The following UPF1 variants were observed in gnomAD, a reference collection of about 807,000 sequenced individuals.
UPF1 encodes the protein regulator of nonsense transcripts 1.
UPF1 carries 9 observed loss-of-function variants against 129.2 expected under a neutral mutation model. That is an observed-to-expected ratio of 0.07 (90% CI 0.04 to 0.12). The LOEUF is 0.12. UPF1 is among the 10% of genes least tolerant of loss of function. The probability of loss-of-function intolerance (pLI) is 1.00; values close to 1 mark genes in which losing one functional copy is unlikely to be tolerated. For missense variants in UPF1, 788 were observed against 1,525.3 expected (o/e 0.52, Z 8.05); for synonymous variants, 649 against 644.9 (o/e 1.01, Z -0.10).
intron 6 of UPF1, 32 bp from the exon 7 acceptor site, chr19:18,852,955 C>G: frequency 6.3e-7 from 1 of 1,592,368 alleles, no homozygotes; most frequent in Non-Finnish European, 8.6e-7. Flanking sequence ...GTGCTGGAGG[C>G]TAACCGGGGC....
At position 18,863,596 on chromosome 19, in the gene UPF1, T is replaced by C; in HGVS notation, c.2759T>C (p.Val920Ala). The C allele has an allele frequency of 1.2e-6, 2 of 1,613,460 alleles. No homozygotes were observed. Among genetic ancestry groups the C allele is most frequent in the Non-Finnish European group, 1.7e-6 (2 of 1,179,808 alleles). The change falls in exon 19 of 24, where the codon GTC becomes GCC. Residue 920 changes from valine (V) to alanine (A), a missense_variant. Val to Ala is a moderately conservative substitution (Grantham distance 64). Coordinates refer to ENST00000262803, the MANE Select transcript of UPF1 (RefSeq NM_002911.4). ...LMQFSKPRKL[V>A]NTINPGARFM... is the part of the protein sequence containing the mutation. ...CAGTTCAGCAAGCCACGGAAGCTGG[T>C]CAACACTATCAACCCGGTGAGCGCC...
Position 18,860,317 on chromosome 19 carries a change from AC to A in UPF1, c.2183-3del, listed in dbSNP as rs768966428. ...AAGTGTTACTTCTTTCCCTCCCCTCACAGCGGATCGTGTGAAGAAGGGATTT... is the reference window on the plus strand; with the variant it reads ...AAGTGTTACTTCTTTCCCTCCCCTCAAGCGGATCGTGTGAAGAAGGGATTT... On this transcript the variant is annotated splice_region_variant and splice_polypyrimidine_tract_variant and intron_variant, in intron 15 of 23. Coordinates refer to ENST00000262803, the MANE Select transcript of UPF1 (RefSeq NM_002911.4). The A allele has an allele frequency of 1.5e-5, 24 of 1,613,762 alleles. No homozygotes were observed. The African/African-American group carries it at 2.0e-4, about 13-fold the overall frequency.
chr19:18,834,991 C>T (rs2055468429), intron 1 of UPF1, among the ~76,000 whole-genome samples: 2 of 152,164 alleles, frequency 1.3e-5, no homozygotes, highest in African/African-American at 2.4e-5. Flanking sequence ...ATAAAGTGTA[C>T]AGTTCGGCGG....
rs763224195 is a variant in UPF1, at chr19:18,856,132, T to G, written c.1709+43T>G. ...CCCTCCCAGTTGGTCCCTGAGCTTC[T>G]GCGGGTGACATGTACAGAACTCAGG... is the stretch of plus-strand genomic sequence containing the variant. On this transcript the variant is annotated intron_variant, in intron 12 of 23. Transcript: ENST00000262803. The G allele has an allele frequency of 2.5e-6, 4 of 1,608,018 alleles. No individual in the cohort carries two copies. The South Asian group carries it at 4.4e-5, about 18-fold the overall frequency.
chr19:18,863,750 G>GGGTGGGCTCTCCTAGGGGAT, intron 19 of UPF1, 138 bp downstream of exon 19: 2 of 1,229,832 alleles, frequency 1.6e-6, no homozygotes, highest in Admixed American at 2.6e-5. Context: ...TCCTAGGGGA[G>GGGTGGGCTCTCCTAGGGGAT]GGTGGGCCAG....
intron 9 of UPF1, 46 bp from the exon 10 acceptor site, chr19:18,854,832 AG>A (rs749337973): frequency 2.3e-4 from 371 of 1,608,732 alleles, no homozygotes; most frequent in Non-Finnish European, 2.7e-4. Flanking sequence ...GATGTCGGAG[AG>A]GCGGCCACAG....
rs916778756 is a variant in UPF1 at position 18,853,819 on chromosome 19, C to A, written c.1156+469C>A. On this transcript the variant is annotated intron_variant, in intron 8 of 23. Transcript: ENST00000262803. The surrounding 1 kb of genome is among the most constrained non-coding windows in gnomAD (Gnocchi z 4.4). ...GTGACCTCATGGTGATGCAGCCTGC[C>A]GGCCAGAGTGGGGCAGCTGTAAGGC... 6.6e-6 allele frequency among the ~76,000 whole-genome samples: 1 copy of A among 152,190 alleles called. No homozygotes were observed. Among genetic ancestry groups the A allele is most frequent in the Admixed American group, 6.5e-5 (1 of 15,278 alleles).
rs747021445 is a variant in UPF1, at chr19:18,862,143, C to G, written c.2591C>G (p.Thr864Ser). 6.2e-7 allele frequency: 1 copy of G among 1,613,696 alleles called. No homozygotes were observed. Among genetic ancestry groups the G allele is most frequent in the Non-Finnish European group, 8.5e-7 (1 of 1,179,976 alleles). ...NDPRRLNVAL[T>S]RARYGVIIVG... ...CCCAGGCGTCTGAACGTGGCCCTGA[C>G]CAGAGCAAGGTAGGGAGGCTGCCTG... is the stretch of plus-strand genomic sequence containing the variant. Residue 864 changes from threonine to serine, a missense_variant, in exon 18 of 24, where the codon ACC (threonine) becomes AGC (serine). Thr to Ser is a moderately conservative substitution (Grantham distance 58). Around this residue, in one of 6 missense-constraint regions of UPF1, gnomAD observed 140 missense variants for 385.9 expected, o/e 0.36. Transcript: ENST00000262803.
At chr19:18,849,944 G>GA in intron 3 of UPF1, 131 bp from the exon 4 acceptor site, 1 of 1,157,218 alleles carries the variant, frequency 8.6e-7, no homozygotes, top group Non-Finnish European at 1.2e-6. Context: ...AGAGATGCCA[G>GA]ATGGATGAGG....
rs76707267 is a variant in UPF1, at chr19:18,842,863, T to G, written c.232-3117T>G. Among the ~76,000 whole-genome samples the G allele has an allele frequency of 2.1e-4, 32 of 151,988 alleles. No homozygotes were observed. In the East Asian group the frequency reaches 5.8e-3, roughly 28 times the overall value. On this transcript the variant is annotated intron_variant, in intron 1 of 23. Transcript: ENST00000262803. ...AAAAATAGGCGTGGTGGCGCATGCCTGTAATCCCAGCTACTTGGGAGGCTG... is the reference window on the plus strand; with the variant it reads ...AAAAATAGGCGTGGTGGCGCATGCCGGTAATCCCAGCTACTTGGGAGGCTG...
chr19:18,846,695 G>A (rs1310092350), intron 2 of UPF1, among the ~76,000 whole-genome samples: 1 of 152,088 alleles, frequency 6.6e-6, no homozygotes, highest in East Asian at 1.9e-4. Context: ...GATTAGAAGA[G>A]GGGAGAAGGT....
At chr19:18,839,245 C>G (rs1026116443) in intron 1 of UPF1, among the ~76,000 whole-genome samples, 1 of 152,126 alleles carries the variant, frequency 6.6e-6, no homozygotes, top group African/African-American at 2.4e-5. Context: ...GTGCGCACCA[C>G]CATGCCCAAC....
At position 18,846,105 on chromosome 19, in the gene UPF1, C is replaced by A. The variant is rs200826658; in HGVS notation, c.357C>A (p.Pro119=). The A allele has an allele frequency of 1.2e-6, 2 of 1,614,058 alleles. No individual in the cohort carries two copies. Among genetic ancestry groups the A allele is most frequent in the South Asian group, 1.1e-5 (1 of 91,074 alleles). Residue 119 remains proline (P), a synonymous_variant, in exon 2 of 24, where the codon CCC becomes CCA. Coordinates refer to ENST00000262803, the MANE Select transcript of UPF1 (RefSeq NM_002911.4). ...EEDTYYTKDL[P]IHACSYCGIH... is the part of the protein sequence containing the mutation. Reference sequence around the variant, plus strand: ...ACACCTATTACACGAAGGACCTCCCCATACACGCCTGCAGGTGAGCTGAGC... The same window carrying A: ...ACACCTATTACACGAAGGACCTCCCAATACACGCCTGCAGGTGAGCTGAGC...
At chr19:18,864,799 G>A (rs763637385) in intron 20 of UPF1, among the ~76,000 whole-genome samples, 2 of 139,368 alleles carry the variant, frequency 1.4e-5, no homozygotes, top group Non-Finnish European at 3.0e-5. Flanking sequence ...GAGTACAGTG[G>A]TGTGATCTTG....
At chr19:18,864,977 G>C (rs2055826121) in intron 20 of UPF1, among the ~76,000 whole-genome samples, 1 of 152,124 alleles carries the variant, frequency 6.6e-6, no homozygotes, top group Non-Finnish European at 1.5e-5. Context: ...GATCTCAGGT[G>C]GTCCACCTCG....
chr19:18,865,997 A>C lies in UPF1; in HGVS notation c.3238-47A>C. 1.2e-6 allele frequency: 2 copies of C among 1,609,962 alleles called. No homozygotes were observed. Among genetic ancestry groups the C allele is most frequent in the Non-Finnish European group, 1.7e-6 (2 of 1,178,906 alleles). On this transcript the variant is annotated intron_variant, in intron 22 of 23. Transcript: ENST00000262803. The surrounding 1 kb of genome is among the most constrained non-coding windows in gnomAD (Gnocchi z 6.1). Reference sequence around the variant, plus strand: ...GGCTGCTGAGGGCTGGGTGGATGTGAGCACCCTTGGCCTGTGGCTTGCTTA... The same window carrying C: ...GGCTGCTGAGGGCTGGGTGGATGTGCGCACCCTTGGCCTGTGGCTTGCTTA...
chr19:18,851,747 G>A lies in UPF1; in HGVS notation c.811-388G>A, dbSNP rs966172387. 6.6e-6 allele frequency among the ~76,000 whole-genome samples: 1 copy of A among 152,232 alleles called. No individual in the cohort carries two copies. The highest frequency in any genetic ancestry group is 1.9e-4 in the East Asian group (1 of 5,200). On this transcript the variant is annotated intron_variant, in intron 5 of 23. Transcript: ENST00000262803. This position sits in a 1 kb window ranked among gnomAD's most constrained non-coding sequence, Gnocchi z 4.2. ...TGGTCTTTGTGGCAGCCTGCGAGGC[G>A]GGTTAGCTGCTCTCGTTCACAAGCT...
intron 1 of UPF1, among the ~76,000 whole-genome samples, chr19:18,841,831 G>C (rs2055545256): frequency 6.6e-6 from 1 of 152,192 alleles, no homozygotes; most frequent in African/African-American, 2.4e-5. Context: ...AGCACACCTG[G>C]CTGGAACAAG....
chr19:18,850,009 C>T lies in UPF1; in HGVS notation c.462-66C>T. ...CGGTACCGGAACTTTTAACAGGGGCCCGAAAATTGGAAGTGGTGAAAAGCC... is the reference window on the plus strand; with the variant it reads ...CGGTACCGGAACTTTTAACAGGGGCTCGAAAATTGGAAGTGGTGAAAAGCC... On this transcript the variant is annotated intron_variant, in intron 3 of 23. Transcript: ENST00000262803. This position sits in a 1 kb window ranked among gnomAD's most constrained non-coding sequence, Gnocchi z 7.1. 6.3e-7 allele frequency: 1 copy of T among 1,599,628 alleles called. No individual in the cohort carries two copies.
Sources: allele counts gnomAD v4.1 joint callset (sites outside exome capture counted in the v4.1 genomes callset), GRCh38; gene constraint gnomAD v4.1.1; regional missense constraint gnomAD v4.1.1; non-coding constraint Gnocchi (gnomAD v3.1); transcripts MANE v1.5; gene names NCBI Gene and HGNC (gene_info 2026-07-23, HGNC 2026-07-21).